SYT1: variants seen among roughly 807,000 people sequenced by gnomAD.
SYT1 encodes synaptotagmin 1.
In SYT1, 8 loss-of-function variants were observed where a neutral mutation model predicts 44.8. That is an observed-to-expected ratio of 0.18 (90% CI 0.10 to 0.32). The LOEUF is 0.32. Ranked by LOEUF, SYT1 falls within the 10% of genes least tolerant of loss-of-function variation. The probability of loss-of-function intolerance (pLI) is 1.00; values close to 1 mark genes in which losing one functional copy is unlikely to be tolerated. For missense variants in SYT1, 286 were observed against 509.3 expected (o/e 0.56, Z 4.22); for synonymous variants, 154 against 188.8 (o/e 0.82, Z 1.51).
At chr12:79,099,559 A>G (rs1285131010) in intron 3 of SYT1, among the ~76,000 whole-genome samples, 1 of 152,128 alleles carries the variant, frequency 6.6e-6, no homozygotes, top group East Asian at 1.9e-4. Flanking sequence ...AGATGGTTAA[A>G]GTAGTCTATC....
chr12:78,953,873 C>A (rs1163577521), intron 1 of SYT1, among the ~76,000 whole-genome samples: 1 of 151,856 alleles, frequency 6.6e-6, no homozygotes, highest in Admixed American at 6.6e-5. Flanking sequence ...GGGCCCTTAG[C>A]CAGGGTTGCT....
In SYT1 at chr12:79,446,012, T is replaced by C. The variant is rs1330068683; in HGVS notation, c.1062+1806T>C. Reference sequence around the variant, plus strand: ...AGACATATATATATATATATATATATATATATATATATATATATATATTAT... The same window carrying C: ...AGACATATATATATATATATATATACATATATATATATATATATATATTAT... On this transcript the variant is annotated intron_variant, in intron 10 of 10. Coordinates refer to ENST00000261205, the MANE Select transcript of SYT1 (RefSeq NM_005639.3). Among the ~76,000 whole-genome samples, 7 of 125,118 alleles carry C rather than the reference T, an allele frequency of 5.6e-5. 1 individual carries two copies. The highest frequency in any genetic ancestry group is 2.2e-4 in the East Asian group (1 of 4,466). 82.1% of individuals were successfully genotyped at this position (125,118 alleles called of 152,430 possible).
At chr12:79,189,078 CTG>C (rs1165320549) in intron 3 of SYT1, among the ~76,000 whole-genome samples, 2 of 152,044 alleles carry the variant, frequency 1.3e-5, no homozygotes, top group African/African-American at 2.4e-5. Flanking sequence ...ATGGAGTAAA[CTG>C]TAACTGAGTA....
intron 3 of SYT1, among the ~76,000 whole-genome samples, chr12:79,200,238 C>A (rs1240473357): frequency 1.6e-4 from 24 of 152,100 alleles, no homozygotes; most frequent in Admixed American, 1.6e-3. Context: ...TCTGAGAAAA[C>A]TGCAACCCAG....
intron 1 of SYT1, among the ~76,000 whole-genome samples, chr12:78,924,421 A>G (rs1036495113): frequency 2.7e-4 from 41 of 151,778 alleles, no homozygotes; most frequent in Admixed American, 1.3e-3. Flanking sequence ...GCACTTATTC[A>G]TGATTCTTAT....
rs145291755 is a variant in SYT1 at position 79,161,998 on chromosome 12, A to G, written c.-17-55505A>G. On this transcript the variant is annotated intron_variant, in intron 3 of 10. Transcript: ENST00000261205. Reference sequence around the variant, plus strand: ...ACATATTGTTCGATTCCACACACAAAGAAAAGGTTTTCTTGAAATATGTGA... The same window carrying G: ...ACATATTGTTCGATTCCACACACAAGGAAAAGGTTTTCTTGAAATATGTGA... Among the ~76,000 whole-genome samples the G allele has an allele frequency of 1.2e-3, 179 of 152,272 alleles. 2 individuals are homozygous for G. Among genetic ancestry groups the G allele is most frequent in the African/African-American group, 4.0e-3 (166 of 41,580 alleles).
At chr12:79,085,007 A>G (rs1877286327) in intron 3 of SYT1, among the ~76,000 whole-genome samples, 1 of 152,162 alleles carries the variant, frequency 6.6e-6, no homozygotes, top group Non-Finnish European at 1.5e-5. Context: ...TTCATAGAGT[A>G]CTTATACACA....
chr12:78,888,156 G>A (rs932571749), intron 1 of SYT1, among the ~76,000 whole-genome samples: 2 of 151,796 alleles, frequency 1.3e-5, no homozygotes, highest in African/African-American at 4.8e-5. Flanking sequence ...GAAATTGATA[G>A]TTTTTTTCAA....
rs1273412409 is a variant in SYT1 at position 78,967,681 on chromosome 12, C to T, written c.-216-10118C>T. On this transcript the variant is annotated intron_variant, in intron 1 of 10. Coordinates refer to ENST00000261205, the MANE Select transcript of SYT1 (RefSeq NM_005639.3). ...AAGCCATCTATGAGCAGATAGCCAT[C>T]AGTGGGAAATTTGAGTCTACAGTAC... 2.0e-5 allele frequency among the ~76,000 whole-genome samples: 3 copies of T among 152,134 alleles called. No individual in the cohort carries two copies. The East Asian group carries it at 5.8e-4, about 29-fold the overall frequency.
chr12:79,059,288 G>C (rs1385919495), intron 3 of SYT1, among the ~76,000 whole-genome samples: 6 of 151,896 alleles, frequency 4.0e-5, no homozygotes, highest in Non-Finnish European at 8.8e-5. Flanking sequence ...AATTTGGGTG[G>C]GGACACAACC....
chr12:79,161,387 AG>A (rs1870940582), intron 3 of SYT1, among the ~76,000 whole-genome samples: 1 of 152,142 alleles, frequency 6.6e-6, no homozygotes, highest in Non-Finnish European at 1.5e-5. Flanking sequence ...TAGGAGAAAA[AG>A]GCTACACCAT....
intron 1 of SYT1, among the ~76,000 whole-genome samples, chr12:78,933,198 A>G (rs143795647): frequency 2.3e-4 from 35 of 152,238 alleles, no homozygotes; most frequent in African/African-American, 8.2e-4. Context: ...GTTGGTCTGC[A>G]TATGGTTAGA....
chr12:79,159,131 A>G lies in SYT1; in HGVS notation c.-17-58372A>G, dbSNP rs532396589. 5.3e-5 allele frequency among the ~76,000 whole-genome samples: 8 copies of G among 152,308 alleles called. No individual in the cohort carries two copies. In the East Asian group the frequency reaches 1.5e-3, roughly 29 times the overall value. On this transcript the variant is annotated intron_variant, in intron 3 of 10. Coordinates refer to ENST00000261205, the MANE Select transcript of SYT1 (RefSeq NM_005639.3). ...CTGAAGAGTTTGCACTTTATCCTGC[A>G]AACAATAGAGAGACAGCAAAGGTTT...
intron 3 of SYT1, among the ~76,000 whole-genome samples, chr12:79,153,746 C>T (rs969780079): frequency 6.6e-6 from 1 of 152,020 alleles, no homozygotes; most frequent in African/African-American, 2.4e-5. Flanking sequence ...TTTGAAAGTT[C>T]ATAGGTCTTT....
intron 8 of SYT1, among the ~76,000 whole-genome samples, chr12:79,346,684 G>A (rs892850443): frequency 6.6e-6 from 1 of 152,160 alleles, no homozygotes; most frequent in African/African-American, 2.4e-5. Flanking sequence ...TAGGTACAAA[G>A]GAGGAGCTCC....
chr12:79,107,526 G>A (rs1445657123), intron 3 of SYT1, among the ~76,000 whole-genome samples: 1 of 151,904 alleles, frequency 6.6e-6, no homozygotes, highest in African/African-American at 2.4e-5. Context: ...TGTTGTCAAT[G>A]AATTTGATAA....
intron 5 of SYT1, among the ~76,000 whole-genome samples, chr12:79,286,474 TG>T (rs1464300113): frequency 6.6e-6 from 1 of 152,166 alleles, no homozygotes; most frequent in Non-Finnish European, 1.5e-5. Flanking sequence ...ATGAGTTACA[TG>T]GGAGAAGGGA....
chr12:79,000,211 T>C (rs1167406415), intron 2 of SYT1, among the ~76,000 whole-genome samples: 5 of 151,926 alleles, frequency 3.3e-5, no homozygotes, highest in African/African-American at 1.2e-4. Flanking sequence ...GTAAACTTCT[T>C]GGAAACAAAA....
chr12:79,030,492 G>T (rs1358829369), intron 2 of SYT1, among the ~76,000 whole-genome samples: 2 of 150,870 alleles, frequency 1.3e-5, no homozygotes, highest in African/African-American at 4.9e-5. Context: ...ATGCCATTAG[G>T]GCTTTTACTA....
Sources: allele counts gnomAD v4.1 joint callset (sites outside exome capture counted in the v4.1 genomes callset), GRCh38; gene constraint gnomAD v4.1.1; transcripts MANE v1.5; gene names NCBI Gene and HGNC (gene_info 2026-07-23, HGNC 2026-07-21).